Variants in XPR1 observed in about 807,000 individuals in gnomAD.
XPR1 encodes xenotropic and polytropic retrovirus receptor 1, also known as solute carrier family 53 member 1.
In XPR1, 28 loss-of-function variants were observed where a neutral mutation model predicts 87.5. The observed-to-expected ratio is 0.32, with a 90% CI of 0.24 to 0.44. The LOEUF is 0.44. Ranked by LOEUF, XPR1 falls within the 20% of genes least tolerant of loss-of-function variation. The pLI is 1.00. For synonymous variants in XPR1, 300 were observed against 306.1 expected (o/e 0.98, Z 0.21); for missense variants, 559 against 862.3 (o/e 0.65, Z 4.41).
rs559572820 is a variant in XPR1 at position 180,674,903 on chromosome 1, C to A, written c.70-7457C>A. 2.0e-5 allele frequency among the ~76,000 whole-genome samples: 3 copies of A among 152,254 alleles called. No individual in the cohort carries two copies. The South Asian group carries it at 6.2e-4, about 32-fold the overall frequency. On this transcript the variant is annotated intron_variant, in intron 1 of 14. Coordinates refer to ENST00000367590, the MANE Select transcript of XPR1 (RefSeq NM_004736.4). ...GGCAGTCAGCACCACATTGATGTTA[C>A]AATTTGAGATTTCATTTCAGCAAAA...
intron 13 of XPR1, among the ~76,000 whole-genome samples, chr1:180,875,099 T>C (rs1405003437): frequency 6.6e-6 from 1 of 152,174 alleles, no homozygotes; most frequent in African/African-American, 2.4e-5. Context: ...ATAAAGGAAG[T>C]CTCAACAAAT....
intron 1 of XPR1, among the ~76,000 whole-genome samples, chr1:180,640,454 T>C (rs1654927964): frequency 6.6e-6 from 1 of 152,236 alleles, no homozygotes; most frequent in African/African-American, 2.4e-5. Flanking sequence ...ATTGTGGAGA[T>C]TGTAAGAGCC....
chr1:180,672,488 A>T (rs1239975288), intron 1 of XPR1, among the ~76,000 whole-genome samples: 1 of 152,158 alleles, frequency 6.6e-6, no homozygotes, highest in Non-Finnish European at 1.5e-5. Context: ...AGAAATGAAG[A>T]TTATTTAGTA....
At chr1:180,828,428 T>TTAGG (rs2102157279) in intron 9 of XPR1, among the ~76,000 whole-genome samples, 1 of 152,318 alleles carries the variant, frequency 6.6e-6, no homozygotes, top group East Asian at 1.9e-4. Flanking sequence ...AGAAATCTAA[T>TTAGG]TAGGTAGCAT....
intron 2 of XPR1, among the ~76,000 whole-genome samples, chr1:180,730,773 C>T (rs1024152469): frequency 2.6e-5 from 4 of 152,118 alleles, no homozygotes; most frequent in African/African-American, 9.7e-5. Flanking sequence ...AGTGATCCTC[C>T]CCCCTCAGCC....
chr1:180,741,798 T>C (rs553743356), intron 2 of XPR1, among the ~76,000 whole-genome samples: 4 of 152,290 alleles, frequency 2.6e-5, no homozygotes, highest in African/African-American at 9.6e-5. Flanking sequence ...TTTTGGAAGG[T>C]TTTTAATAAT....
intron 2 of XPR1, among the ~76,000 whole-genome samples, chr1:180,717,149 T>C (rs987737227): frequency 6.6e-6 from 1 of 152,118 alleles, no homozygotes; most frequent in Non-Finnish European, 1.5e-5. Context: ...CCTGCCACCA[T>C]ACCCAGCTAA....
At chr1:180,754,685 C>T (rs575090850) in intron 2 of XPR1, among the ~76,000 whole-genome samples, 1 of 152,196 alleles carries the variant, frequency 6.6e-6, no homozygotes, top group Non-Finnish European at 1.5e-5. Flanking sequence ...TGGTCTTGAG[C>T]TCCTGGGCTC....
intron 2 of XPR1, among the ~76,000 whole-genome samples, chr1:180,697,262 A>C (rs963999940): frequency 6.6e-6 from 1 of 152,014 alleles, no homozygotes; most frequent in African/African-American, 2.4e-5. Flanking sequence ...GTTAGCATTA[A>C]TTTGTTCATA....
intron 2 of XPR1, among the ~76,000 whole-genome samples, chr1:180,766,781 A>AT (rs1165829462): frequency 1.3e-5 from 2 of 152,138 alleles, no homozygotes; most frequent in Admixed American, 1.3e-4. Flanking sequence ...CTTAGCATCT[A>AT]TTTTTTATGC....
chr1:180,727,824 G>A (rs779410625), intron 2 of XPR1, among the ~76,000 whole-genome samples: 7 of 152,210 alleles, frequency 4.6e-5, no homozygotes, highest in African/African-American at 1.2e-4. Context: ...ACCAGATAAG[G>A]TAACTTCTTG....
intron 11 of XPR1, among the ~76,000 whole-genome samples, chr1:180,851,004 T>C (rs1651848926): frequency 6.6e-6 from 1 of 152,070 alleles, no homozygotes; most frequent in Non-Finnish European, 1.5e-5. Flanking sequence ...TATATTTCTT[T>C]TAAAGTGGTT....
chr1:180,735,926 A>G (rs1310693099), intron 2 of XPR1, among the ~76,000 whole-genome samples: 1 of 152,110 alleles, frequency 6.6e-6, no homozygotes, highest in African/African-American at 2.4e-5. Context: ...TTACCCCTCA[A>G]GGCATTCAGC....
intron 1 of XPR1, among the ~76,000 whole-genome samples, chr1:180,653,503 A>C (rs1361310303): frequency 6.6e-6 from 1 of 152,066 alleles, no homozygotes; most frequent in Non-Finnish European, 1.5e-5. Context: ...AATACTTGGC[A>C]ATTATTGGGC....
rs189875730 is a variant in XPR1, at chr1:180,731,839, G to A, written c.121+49428G>A. 2.6e-5 allele frequency among the ~76,000 whole-genome samples: 4 copies of A among 152,270 alleles called. No individual in the cohort carries two copies. The East Asian group carries it at 7.7e-4, about 29-fold the overall frequency. On this transcript the variant is annotated intron_variant, in intron 2 of 14. Transcript: ENST00000367590. ...CATTTCAGGTATTCATGTAGCTAGT[G>A]GCTGTTGTATTGGACAGCACAGATC... is the stretch of plus-strand genomic sequence containing the variant.
intron 1 of XPR1, among the ~76,000 whole-genome samples, chr1:180,642,687 AAT>A (rs1344541312): frequency 6.6e-6 from 1 of 152,156 alleles, no homozygotes; most frequent in Non-Finnish European, 1.5e-5. Flanking sequence ...GCTGTCAGGT[AAT>A]ATAATAAGTA....
At chr1:180,642,220 G>A (rs780133300) in intron 1 of XPR1, among the ~76,000 whole-genome samples, 42 of 152,124 alleles carry the variant, frequency 2.8e-4, no homozygotes, top group Non-Finnish European at 5.1e-4. Context: ...CAAGACTCAG[G>A]AAGGTTTAGA....
At chr1:180,825,932 C>G (rs1430824797) in intron 9 of XPR1, among the ~76,000 whole-genome samples, 1 of 152,136 alleles carries the variant, frequency 6.6e-6, no homozygotes, top group Non-Finnish European at 1.5e-5. Flanking sequence ...TGCCTGTAAT[C>G]CTAGCTACTA....
chr1:180,862,555 C>T (rs940621851), intron 11 of XPR1, among the ~76,000 whole-genome samples: 3 of 152,094 alleles, frequency 2.0e-5, no homozygotes, highest in African/African-American at 7.2e-5. Flanking sequence ...TTCCCATTTG[C>T]CTTGGTGCTC....
Sources: allele counts gnomAD v4.1 joint callset (sites outside exome capture counted in the v4.1 genomes callset), GRCh38; gene constraint gnomAD v4.1.1; transcripts MANE v1.5; gene names NCBI Gene and HGNC (gene_info 2026-07-23, HGNC 2026-07-21).